C22orf39: variants seen among roughly 807,000 people sequenced by gnomAD.
C22orf39 encodes chromosome 22 open reading frame 39, also known as synaptic plasticity regulator PANTS.
C22orf39 carries 20 observed loss-of-function variants against 18.3 expected under a neutral mutation model. That is an observed-to-expected ratio of 1.09 (90% CI 0.77 to 1.59). The LOEUF is 1.59. C22orf39 is among the 40% of genes most tolerant of loss of function. C22orf39 has a pLI of 0.00. For synonymous variants in C22orf39, 63 were observed against 59.6 expected (o/e 1.06, Z -0.26); for missense variants, 195 against 156.1 (o/e 1.25, Z -1.33).
In C22orf39 at chr22:19,442,266, G is replaced by A. The variant is rs1002539807; in HGVS notation, c.*1999C>T. 2 of 148,608 alleles carry A rather than the reference G, an allele frequency of 1.3e-5. No homozygotes were observed. Among genetic ancestry groups the A allele is most frequent in the African/African-American group, 2.4e-5 (1 of 41,200 alleles). 9.2% of individuals were successfully genotyped at this position (148,608 alleles called of 1,614,324 possible). On this transcript the variant is annotated 3_prime_UTR_variant, in exon 3 of 3. Coordinates refer to ENST00000399562, the MANE Select transcript of C22orf39 (RefSeq NM_173793.5). ...GCAATTGACATAGAAACAAATGCAG[G>A]AACATCCTGTCCAGAGAGATTATCT...
At chr22:19,444,482 T>A in intron 2 of C22orf39, 92 bp from the exon 3 acceptor site, 1 of 1,401,222 alleles carries the variant, frequency 7.1e-7, no homozygotes, top group South Asian at 1.3e-5. Context: ...GAAACACAGA[T>A]GGACAGGCAG....
In C22orf39 at chr22:19,443,281, C is replaced by G; in HGVS notation, c.*984G>C. 2.0e-6 allele frequency: 2 copies of G among 985,426 alleles called. No individual in the cohort carries two copies. Among genetic ancestry groups the G allele is most frequent in the Non-Finnish European group, 2.4e-6 (2 of 829,946 alleles). The allele number at this position is 985,426 out of a possible 1,614,324, so 61.0% of individuals were successfully genotyped here. ...AGCAGGGAGGGTGCTGGGCACAGAC[C>G]CAGCCTAGCCCTCAGCATCACACAA... On this transcript the variant is annotated 3_prime_UTR_variant, in exon 3 of 3. Coordinates refer to ENST00000399562, the MANE Select transcript of C22orf39 (RefSeq NM_173793.5).
In C22orf39 at chr22:19,443,362, G is replaced by T; in HGVS notation, c.*903C>A. 5 of 985,616 alleles carry T rather than the reference G, an allele frequency of 5.1e-6. No individual in the cohort carries two copies. The highest frequency in any genetic ancestry group is 6.0e-6 in the Non-Finnish European group (5 of 829,900). 61.1% of individuals were successfully genotyped at this position (985,616 alleles called of 1,614,324 possible). A position where few individuals can be genotyped will look rare whatever the true frequency, so the allele number is the denominator to read the frequency against. Reference sequence around the variant, plus strand: ...ATTAGTAATAAACAGACCTCTTCAAGAAATAGTGTTTTTGGTGGTTCATAC... The same window carrying T: ...ATTAGTAATAAACAGACCTCTTCAATAAATAGTGTTTTTGGTGGTTCATAC... On this transcript the variant is annotated 3_prime_UTR_variant, in exon 3 of 3. Transcript: ENST00000399562.
chr22:19,447,469 TA>T lies in C22orf39; in HGVS notation c.100del (p.Tyr34ThrfsTer135). 6.6e-7 allele frequency: 1 copy of T among 1,520,404 alleles called. No individual in the cohort carries two copies. The highest frequency in any genetic ancestry group is 8.7e-7 in the Non-Finnish European group (1 of 1,143,340). The allele number at this position is 1,520,404 out of a possible 1,614,324, so 94.2% of individuals were successfully genotyped here. A position where few individuals can be genotyped will look rare whatever the true frequency, so the allele number is the denominator to read the frequency against. ...GCAGGCCGGCCGCTCGCCGTGGACG[TA>T]GTAGTGGTGTAGGAAGTGCCTGGCG... ...RSARHFLHHY[Y>X]VHGERPACEQ... On this transcript the variant is annotated frameshift_variant, in exon 2 of 3. Coordinates refer to ENST00000399562, the MANE Select transcript of C22orf39 (RefSeq NM_173793.5). LOFTEE classifies it high-confidence loss of function.
intron 2 of C22orf39, among the ~76,000 whole-genome samples, chr22:19,445,885 G>A (rs1601879179): frequency 6.6e-6 from 1 of 152,226 alleles, no homozygotes; most frequent in South Asian, 2.1e-4. Context: ...ATGTTGCCAG[G>A]CTGGTCTCAA....
At chr22:19,444,790 G>T (rs565912133) in intron 2 of C22orf39, among the ~76,000 whole-genome samples, 1 of 152,276 alleles carries the variant, frequency 6.6e-6, no homozygotes, top group African/African-American at 2.4e-5. Context: ...GGGAGCTGCA[G>T]GGAGGAGTGT....
At position 19,444,156 on chromosome 22, in the gene C22orf39, C is replaced by T; in HGVS notation, c.*109G>A. The T allele has an allele frequency of 7.0e-7, 1 of 1,423,074 alleles. No individual in the cohort carries two copies. The highest frequency in any genetic ancestry group is 9.1e-7 in the Non-Finnish European group (1 of 1,097,464). 88.2% of individuals were successfully genotyped at this position (1,423,074 alleles called of 1,614,324 possible). Reference sequence around the variant, plus strand: ...TGCTCCATGTTCCTGTGAGCAAGAGCTCACAGGGACCCACCAGACTGTGTA... The same window carrying T: ...TGCTCCATGTTCCTGTGAGCAAGAGTTCACAGGGACCCACCAGACTGTGTA... On this transcript the variant is annotated 3_prime_UTR_variant, in exon 3 of 3. Coordinates refer to ENST00000399562, the MANE Select transcript of C22orf39 (RefSeq NM_173793.5).
chr22:19,444,585 T>C (rs1198775615), intron 2 of C22orf39, among the ~76,000 whole-genome samples, 195 bp from the exon 3 acceptor site: 1 of 152,174 alleles, frequency 6.6e-6, no homozygotes, highest in Non-Finnish European at 1.5e-5. Flanking sequence ...TGGAGATCAT[T>C]TTTTTTCTCA....
Position 19,441,444 on chromosome 22 carries a change from A to C in C22orf39, c.*2821T>G. The C allele has an allele frequency of 1.8e-6, 1 of 540,610 alleles. No homozygotes were observed. Among genetic ancestry groups the C allele is most frequent in the South Asian group, 2.6e-5 (1 of 38,408 alleles). 33.5% of individuals were successfully genotyped at this position (540,610 alleles called of 1,614,324 possible). ...TATTGTTTTGTATTTCAACAATAATATGCTATATATAACAGTCTATGCCAG... is the reference window on the plus strand; with the variant it reads ...TATTGTTTTGTATTTCAACAATAATCTGCTATATATAACAGTCTATGCCAG... On this transcript the variant is annotated 3_prime_UTR_variant, in exon 3 of 3. Coordinates refer to ENST00000399562, the MANE Select transcript of C22orf39 (RefSeq NM_173793.5).
Position 19,443,949 on chromosome 22 carries a change from A to C in C22orf39, c.*316T>G. 2 of 1,089,538 alleles carry C rather than the reference A, an allele frequency of 1.8e-6. No homozygotes were observed. Among genetic ancestry groups the C allele is most frequent in the Non-Finnish European group, 2.2e-6 (2 of 897,216 alleles). The allele number at this position is 1,089,538 out of a possible 1,614,324, so 67.5% of individuals were successfully genotyped here. A position where few individuals can be genotyped will look rare whatever the true frequency, so the allele number is the denominator to read the frequency against. ...ACCCTTCAGTTTACCTGAGAAGCCT[A>C]GACCTCAGGACCGCCATCTCCTATG... On this transcript the variant is annotated 3_prime_UTR_variant, in exon 3 of 3. Transcript: ENST00000399562.
At position 19,441,966 on chromosome 22, in the gene C22orf39, T is replaced by G. The variant is rs117690366; in HGVS notation, c.*2299A>C. On this transcript the variant is annotated 3_prime_UTR_variant, in exon 3 of 3. Coordinates refer to ENST00000399562, the MANE Select transcript of C22orf39 (RefSeq NM_173793.5). ...CACGCCACCATGCATAGCTCATTTA[T>G]TTTTTGTAGAGATGGGGTCTTGTTA... 2 of 304,504 alleles carry G rather than the reference T, an allele frequency of 6.6e-6. No homozygotes were observed. The highest frequency in any genetic ancestry group is 1.2e-5 in the Non-Finnish European group (2 of 165,242). The allele number at this position is 304,504 out of a possible 1,614,324, so 18.9% of individuals were successfully genotyped here.
In C22orf39 at chr22:19,447,524, AG is replaced by A. The variant is rs761640600; in HGVS notation, c.45del (p.Tyr16ThrfsTer153). ...CGGCAGAGCTTCCACTCGGCGCGGTAGGCCTCGCAGGGGCGCGGCGGCTGCG... is the reference window on the plus strand; with the variant it reads ...CGGCAGAGCTTCCACTCGGCGCGGTAGCCTCGCAGGGGCGCGGCGGCTGCG... ...SGWQPPRPCE[A>X]YRAEWKLCRS... On this transcript the variant is annotated frameshift_variant, in exon 2 of 3. Transcript: ENST00000399562. LOFTEE classifies it high-confidence loss of function. 1.4e-5 allele frequency: 21 copies of A among 1,467,498 alleles called. No individual in the cohort carries two copies. Among genetic ancestry groups the A allele is most frequent in the Non-Finnish European group, 1.9e-5 (21 of 1,114,152 alleles). The allele number at this position is 1,467,498 out of a possible 1,614,324, so 90.9% of individuals were successfully genotyped here. A position where few individuals can be genotyped will look rare whatever the true frequency, so the allele number is the denominator to read the frequency against.
chr22:19,441,640 T>TGCTTCA lies in C22orf39; in HGVS notation c.*2624_*2625insTGAAGC, dbSNP rs2089612979. The TGCTTCA allele has an allele frequency of 7.4e-7, 1 of 1,349,614 alleles. No individual in the cohort carries two copies. Among genetic ancestry groups the TGCTTCA allele is most frequent in the East Asian group, 2.5e-5 (1 of 39,982 alleles). 83.6% of individuals were successfully genotyped at this position (1,349,614 alleles called of 1,614,324 possible). On this transcript the variant is annotated 3_prime_UTR_variant, in exon 3 of 3. Coordinates refer to ENST00000399562, the MANE Select transcript of C22orf39 (RefSeq NM_173793.5). ...AACTCCTATCCTCAAGTGATTCTTC[T>TGCTTCA]GCCTCAGCCTCCCAAGTAGCTGAGA...
intron 2 of C22orf39, among the ~76,000 whole-genome samples, chr22:19,445,302 G>A (rs1245239569): frequency 6.6e-6 from 1 of 152,078 alleles, no homozygotes; most frequent in Admixed American, 6.5e-5. Flanking sequence ...ATACACTGTA[G>A]GCACTTTTCC....
At chr22:19,447,172 C>T (rs1228799056) in intron 2 of C22orf39, among the ~76,000 whole-genome samples, 2 of 152,224 alleles carry the variant, frequency 1.3e-5, no homozygotes, top group East Asian at 3.9e-4. Context: ...ACCCCCTCCT[C>T]GCTGGTCTCC....
Position 19,441,300 on chromosome 22 carries a change from C to T in C22orf39, c.*2965G>A, listed in dbSNP as rs1266370753. 1 of 233,404 alleles carries T rather than the reference C, an allele frequency of 4.3e-6. No homozygotes were observed. The highest frequency in any genetic ancestry group is 2.3e-5 in the African/African-American group (1 of 44,120). The allele number at this position is 233,404 out of a possible 1,614,324, so 14.5% of individuals were successfully genotyped here. ...ATGTTACATAAATGGAATCCTGCTA[C>T]ATGTATGTTTTCAAGATTGGCTGTT... On this transcript the variant is annotated 3_prime_UTR_variant, in exon 3 of 3. Transcript: ENST00000399562.
chr22:19,443,559 G>A lies in C22orf39; in HGVS notation c.*706C>T. On this transcript the variant is annotated 3_prime_UTR_variant, in exon 3 of 3. Coordinates refer to ENST00000399562, the MANE Select transcript of C22orf39 (RefSeq NM_173793.5). ...ACCAGGGGAAATTTTGAGGGAAGGA[G>A]TGCTTAATTCCATATGTCTTGGACT... 5.1e-6 allele frequency: 5 copies of A among 985,732 alleles called. No homozygotes were observed. Among genetic ancestry groups the A allele is most frequent in the Non-Finnish European group, 6.0e-6 (5 of 829,906 alleles). The allele number at this position is 985,732 out of a possible 1,614,324, so 61.1% of individuals were successfully genotyped here.
Position 19,441,890 on chromosome 22 carries a change from G to C in C22orf39, c.*2375C>G. ...GCTCACTGCAGCCTCAAACTCCTGG[G>C]CTCAAACAATCCTCCTATCTCAGCC... On this transcript the variant is annotated 3_prime_UTR_variant, in exon 3 of 3. Coordinates refer to ENST00000399562, the MANE Select transcript of C22orf39 (RefSeq NM_173793.5). 3.4e-6 allele frequency: 2 copies of C among 595,732 alleles called. No individual in the cohort carries two copies. The highest frequency in any genetic ancestry group is 2.4e-5 in the South Asian group (1 of 42,228). 36.9% of individuals were successfully genotyped at this position (595,732 alleles called of 1,614,324 possible).
rs112692267 is a variant in C22orf39 at position 19,443,334 on chromosome 22, T to C, written c.*931A>G. The stretch of plus-strand genomic sequence containing the variant: ...GGGCCACCATAGGATGAGAAACCAT[T>C]CTATTAGTAATAAACAGACCTCTTC... On this transcript the variant is annotated 3_prime_UTR_variant, in exon 3 of 3. Coordinates refer to ENST00000399562, the MANE Select transcript of C22orf39 (RefSeq NM_173793.5). 3.2e-5 allele frequency: 32 copies of C among 985,312 alleles called. No homozygotes were observed. The African/African-American group carries it at 4.5e-4, about 14-fold the overall frequency. The allele number at this position is 985,312 out of a possible 1,614,324, so 61.0% of individuals were successfully genotyped here. A position where few individuals can be genotyped will look rare whatever the true frequency, so the allele number is the denominator to read the frequency against.
Sources: gnomAD v4.1 joint callset for allele counts (sites outside exome capture counted in the v4.1 genomes callset) on GRCh38, gnomAD v4.1.1 for gene constraint, MANE v1.5 for transcripts, NCBI Gene and HGNC (gene_info 2026-07-23, HGNC 2026-07-21) for gene names.